The following ZNF518B variants were observed in gnomAD, a reference collection of about 807,000 sequenced individuals.
ZNF518B encodes the protein zinc finger protein 518B.
A neutral mutation model predicts 56.3 loss-of-function variants in ZNF518B; 23 were observed. That is an observed-to-expected ratio of 0.41 (90% CI 0.29 to 0.58). The LOEUF (loss-of-function observed/expected upper bound fraction) is 0.58. Among genes scored for constraint, ZNF518B ranks in the 20% least tolerant of loss-of-function variants. The pLI is 0.32. For missense variants in ZNF518B, 1,460 were observed against 1,272.1 expected (o/e 1.15, Z -2.25); for synonymous variants, 529 against 465.9 (o/e 1.14, Z -1.74).
intron 2 of ZNF518B, among the ~76,000 whole-genome samples, chr4:10,450,055 G>A (rs770099696): frequency 3.3e-5 from 5 of 152,308 alleles, no homozygotes; most frequent in Non-Finnish European, 7.4e-5. Flanking sequence ...GGAATGGAGA[G>A]CATCCCAGCC....
upstream of ZNF518B, among the ~76,000 whole-genome samples, chr4:10,458,113 C>T (rs1409568028): frequency 2.6e-5 from 4 of 152,062 alleles, no homozygotes; most frequent in Non-Finnish European, 5.9e-5. Flanking sequence ...TTGGGCGAGC[C>T]AACTGCCCTC....
chr4:10,455,128 A>C (rs754220262), intron 1 of ZNF518B, 140 bp from the exon 2 acceptor site: 4 of 152,362 alleles, frequency 2.6e-5, no homozygotes, highest in Admixed American at 6.5e-5. Flanking sequence ...ACGGAACTTA[A>C]AAAGGATTCC....
At chr4:10,460,134 G>T (rs1398951171), upstream of ZNF518B, among the ~76,000 whole-genome samples, 1 of 151,474 alleles carries the variant, frequency 6.6e-6, no homozygotes, top group Admixed American at 6.6e-5. Context: ...GTGAAGCCCC[G>T]CCTCTACTAA....
chr4:10,442,269 A>C lies in ZNF518B; in HGVS notation c.*835T>G, dbSNP rs1285795650. 6.6e-6 allele frequency: 1 copy of C among 152,252 alleles called. No individual in the cohort carries two copies. Among genetic ancestry groups the C allele is most frequent in the Admixed American group, 6.5e-5 (1 of 15,288 alleles). 9.4% of individuals were successfully genotyped at this position (152,252 alleles called of 1,614,324 possible). ...TACCTATGTTGTAAGCCTGTTCCCTAGCATTTTAAATTGGTCACTTATGTT... is the reference window on the plus strand; with the variant it reads ...TACCTATGTTGTAAGCCTGTTCCCTCGCATTTTAAATTGGTCACTTATGTT... On this transcript the variant is annotated 3_prime_UTR_variant, in exon 3 of 3. Transcript: ENST00000326756.
chr4:10,459,768 C>A (rs1010223129), upstream of ZNF518B, among the ~76,000 whole-genome samples: 2 of 152,124 alleles, frequency 1.3e-5, no homozygotes, highest in African/African-American at 4.8e-5. Context: ...ATGGAAAAGG[C>A]AGGGAGGATC....
chr4:10,457,511 C>T (rs1276935681), upstream of ZNF518B: 1 of 152,270 alleles, frequency 6.6e-6, no homozygotes, highest in Admixed American at 6.5e-5. Context: ...CTGCGCCCGC[C>T]CCCGCCGGGC....
Position 10,443,881 on chromosome 4 carries a change from C to G in ZNF518B, c.2448G>C (p.Val816=). ...QLIKPVPFCP[V]RQADSDLQPL... is the part of the protein sequence containing the mutation. ...GCTGTAAGTCTGAGTCCGCCTGTCT[C>G]ACAGGGCAAAATGGAACTGGTTTTA... is the stretch of plus-strand genomic sequence containing the variant. The change falls in exon 3 of 3, where the codon GTG becomes GTC. Residue 816 remains valine, a synonymous_variant. Coordinates refer to ENST00000326756, the MANE Select transcript of ZNF518B (RefSeq NM_053042.3). 2.5e-6 allele frequency: 4 copies of G among 1,614,210 alleles called. No homozygotes were observed. Among genetic ancestry groups the G allele is most frequent in the Non-Finnish European group, 2.5e-6 (3 of 1,180,034 alleles).
intron 2 of ZNF518B, among the ~76,000 whole-genome samples, chr4:10,448,488 G>A (rs901173139): frequency 3.3e-5 from 5 of 152,112 alleles, no homozygotes; most frequent in African/African-American, 9.7e-5. Context: ...ATGACAAGCT[G>A]TATTTTCTTT....
chr4:10,461,222 A>C (rs2109002265), upstream of ZNF518B, among the ~76,000 whole-genome samples: 1 of 152,388 alleles, frequency 6.6e-6, no homozygotes, highest in East Asian at 1.9e-4. Context: ...GGAGGGTGCC[A>C]GGCGCTGGAG....
intron 1 of ZNF518B, among the ~76,000 whole-genome samples, chr4:10,456,736 G>A (rs1715549672): frequency 1.3e-5 from 2 of 152,302 alleles, no homozygotes; most frequent in South Asian, 4.1e-4. Flanking sequence ...GGAAGGCCGG[G>A]GTTCTTCCAA....
At position 10,443,229 on chromosome 4, in the gene ZNF518B, A is replaced by G. The variant is rs1714762319; in HGVS notation, c.3100T>C (p.Cys1034Arg). The change falls in exon 3 of 3, where the codon TGT (cysteine) becomes CGT (arginine). Residue 1034 changes from cysteine to arginine, a missense_variant. Physicochemically the swap from Cys to Arg is radical, Grantham distance 180. Coordinates refer to ENST00000326756, the MANE Select transcript of ZNF518B (RefSeq NM_053042.3). ...CCACAAAACCAGCACTTAAATACAC[A>G]CTGTGAAGAATCATCAGGCAAGGAA... ...VDSLPDDSSQCVFKCWFCGRL... is the reference protein window; with the variant it reads ...VDSLPDDSSQRVFKCWFCGRL... 6.2e-7 allele frequency: 1 copy of G among 1,614,026 alleles called. No individual in the cohort carries two copies.
Position 10,441,995 on chromosome 4 carries a change from G to GA in ZNF518B, c.*1108dup, listed in dbSNP as rs2108981132. 6.6e-6 allele frequency: 1 copy of GA among 152,274 alleles called. No individual in the cohort carries two copies. Among genetic ancestry groups the GA allele is most frequent in the East Asian group, 1.9e-4 (1 of 5,184 alleles). 9.4% of individuals were successfully genotyped at this position (152,274 alleles called of 1,614,324 possible). A position where few individuals can be genotyped will look rare whatever the true frequency, so the allele number is the denominator to read the frequency against. ...GCCATTTTCTAGTAATCGCATGAGG[G>GA]AAAACCTTAAGGGGTCTCAAAGGCA... On this transcript the variant is annotated 3_prime_UTR_variant, in exon 3 of 3. Coordinates refer to ENST00000326756, the MANE Select transcript of ZNF518B (RefSeq NM_053042.3).
chr4:10,459,865 G>A (rs1330965590), upstream of ZNF518B, among the ~76,000 whole-genome samples: 2 of 152,122 alleles, frequency 1.3e-5, no homozygotes, highest in African/African-American at 2.4e-5. Context: ...GACAATACAT[G>A]TTTGTTTGGT....
upstream of ZNF518B, among the ~76,000 whole-genome samples, chr4:10,459,946 A>G (rs77548782): frequency 0.07 from 10,720 of 152,260 alleles, 426 homozygotes; most frequent in Non-Finnish European, 0.097. Context: ...GAAGGAAGAC[A>G]TGAACCAGTC....
chr4:10,460,316 A>C (rs1488061311), upstream of ZNF518B, among the ~76,000 whole-genome samples: 5 of 103,174 alleles, frequency 4.8e-5, no homozygotes, highest in South Asian at 4.2e-4. Flanking sequence ...AAAAAAAAAA[A>C]AAAAAAACCA....
In ZNF518B at chr4:10,444,157, A is replaced by C; in HGVS notation, c.2172T>G (p.Leu724=). ...LTGLGHSTGT[L]QKPPNDGGIT... is the part of the protein sequence containing the mutation. ...TACCACCATCATTCGGAGGTTTCTGAAGAGTACCTGTGGAATGGCCAAGAC... is the reference window on the plus strand; with the variant it reads ...TACCACCATCATTCGGAGGTTTCTGCAGAGTACCTGTGGAATGGCCAAGAC... The change falls in exon 3 of 3, where the codon CTT becomes CTG. Residue 724 remains leucine (L), a synonymous_variant. Transcript: ENST00000326756. The C allele has an allele frequency of 6.2e-7, 1 of 1,614,220 alleles. No individual in the cohort carries two copies. Among genetic ancestry groups the C allele is most frequent in the Admixed American group, 1.7e-5 (1 of 60,014 alleles).
At position 10,443,169 on chromosome 4, in the gene ZNF518B, G is replaced by A; in HGVS notation, c.3160C>T (p.His1054Tyr). Reference protein sequence around the residue: ...LYEDQEEWMSHGQRHLIEATR... With the variant: ...LYEDQEEWMSYGQRHLIEATR... Reference sequence around the variant, plus strand: ...GCTTCTATCAAATGCCGTTGGCCATGACTCATCCACTCTTCCTGGTCTTCA... The same window carrying A: ...GCTTCTATCAAATGCCGTTGGCCATAACTCATCCACTCTTCCTGGTCTTCA... Residue 1054 changes from histidine (H) to tyrosine (Y), a missense_variant, in exon 3 of 3, where the codon CAT (histidine) becomes TAT (tyrosine). By Grantham distance (83) the His-to-Tyr change is moderately conservative. Coordinates refer to ENST00000326756, the MANE Select transcript of ZNF518B (RefSeq NM_053042.3). The A allele has an allele frequency of 6.2e-7, 1 of 1,614,202 alleles. No individual in the cohort carries two copies. The highest frequency in any genetic ancestry group is 8.5e-7 in the Non-Finnish European group (1 of 1,180,030).
At chr4:10,452,384 T>C (rs916258733) in intron 2 of ZNF518B, 53 of 152,212 alleles carry the variant, frequency 3.5e-4, no homozygotes, top group African/African-American at 1.2e-3. Context: ...ATTATATCTA[T>C]ATTCCTTCTG....
chr4:10,445,140 C>A lies in ZNF518B; in HGVS notation c.1189G>T (p.Val397Leu), dbSNP rs776220008. The change falls in exon 3 of 3, where the codon GTA (valine) becomes TTA (leucine). Residue 397 changes from valine to leucine, a missense_variant. By Grantham distance (32) the Val-to-Leu change is conservative. Coordinates refer to ENST00000326756, the MANE Select transcript of ZNF518B (RefSeq NM_053042.3). ...GACTTTGTTTTTTCTGCAGAAAGTA[C>A]TTTTTCTTGTTCATTTGAACCCTTC... ...KEKGSNEQEK[V>L]LSAEKTKSLT... 2.5e-6 allele frequency: 4 copies of A among 1,614,136 alleles called. No individual in the cohort carries two copies. Among genetic ancestry groups the A allele is most frequent in the South Asian group, 1.1e-5 (1 of 91,080 alleles).
Sources: allele counts gnomAD v4.1 joint callset (sites outside exome capture counted in the v4.1 genomes callset), GRCh38; gene constraint gnomAD v4.1.1; transcripts MANE v1.5; gene names NCBI Gene and HGNC (gene_info 2026-07-23, HGNC 2026-07-21).